Variants in ZNF354C observed in about 807,000 individuals in gnomAD.
ZNF354C encodes the protein KRAB-zinc finger protein synten.
ZNF354C carries 7 observed loss-of-function variants against 12.4 expected under a neutral mutation model. That is an observed-to-expected ratio of 0.56 (90% confidence interval 0.32 to 1.06). ZNF354C has a LOEUF of 1.06. ZNF354C is among the 50% of genes least tolerant of loss of function. The probability of loss-of-function intolerance (pLI) is 0.04; values close to 1 mark genes in which losing one functional copy is unlikely to be tolerated. For missense variants in ZNF354C, 609 were observed against 658.0 expected, an observed-to-expected ratio of 0.93 and a Z score of 0.81; for synonymous variants, 202 against 224.5, an observed-to-expected ratio of 0.90 and a Z score of 0.90.
In ZNF354C at chr5:179,079,485, A is replaced by G. The variant is rs748844623; in HGVS notation, c.1053A>G (p.Thr351=). ...TTCACAGGCATCAAAGAATCCATAC[A>G]GGTGAGAAACCCTATAAATGTAGTG... The part of the protein sequence containing the change: ...AKLHRHQRIH[T]GEKPYKCSEC... The change falls in exon 5 of 5, where the codon ACA becomes ACG. Residue 351 remains threonine, a synonymous_variant. Transcript: ENST00000315475. The surrounding 1 kb of genome is among the most constrained non-coding windows in gnomAD (Gnocchi z 4.2). The G allele has an allele frequency of 5.0e-6, 8 of 1,614,058 alleles. No individual in the cohort carries two copies. The South Asian group carries it at 8.8e-5, about 18-fold the overall frequency.
At chr5:179,073,007 A>G (rs1762071009) in intron 2 of ZNF354C, among the ~76,000 whole-genome samples, 1 of 152,218 alleles carries the variant, frequency 6.6e-6, no homozygotes, top group Non-Finnish European at 1.5e-5. Context: ...TCATAGAGAA[A>G]TCACAAAAAA....
rs545360275 is a variant in ZNF354C at position 179,079,724 on chromosome 5, G to A, written c.1292G>A (p.Arg431Gln). ...FNQYSSFNEHRKIHTGEKLYT... is the reference protein window; with the variant it reads ...FNQYSSFNEHQKIHTGEKLYT... ...CAGTATTCATCCTTTAATGAACATC[G>A]GAAAATTCATACTGGGGAAAAACTT... Residue 431 changes from arginine to glutamine, a missense_variant, in exon 5 of 5, where the codon CGG becomes CAG. Physicochemically the swap from Arg to Gln is conservative, Grantham distance 43. Coordinates refer to ENST00000315475, the MANE Select transcript of ZNF354C (RefSeq NM_014594.3). This position sits in a 1 kb window ranked among gnomAD's most constrained non-coding sequence, Gnocchi z 4.2. 2.9e-5 allele frequency: 47 copies of A among 1,613,894 alleles called. No individual in the cohort carries two copies. Among genetic ancestry groups the A allele is most frequent in the African/African-American group, 5.3e-5 (4 of 74,876 alleles).
Position 179,079,579 on chromosome 5 carries a change from C to T in ZNF354C, c.1147C>T (p.Leu383=). 1 of 1,614,148 alleles carries T rather than the reference C, an allele frequency of 6.2e-7. No individual in the cohort carries two copies. The highest frequency in any genetic ancestry group is 1.7e-5 in the Admixed American group (1 of 60,024). The change falls in exon 5 of 5, where the codon CTG becomes TTG. Residue 383 remains leucine, a synonymous_variant. Transcript: ENST00000315475. This position sits in a 1 kb window ranked among gnomAD's most constrained non-coding sequence, Gnocchi z 4.2. ...EHQRFHTGEQ[L]YTCLECGRTF... ...TCAGAGGTTTCATACTGGAGAACAA[C>T]TGTATACATGCTTGGAATGTGGGAG...
rs755732952 is a variant in ZNF354C, at chr5:179,078,863, G to C, written c.431G>C (p.Arg144Thr). Residue 144 changes from arginine (R) to threonine (T), a missense_variant, in exon 5 of 5, where the codon AGA becomes ACA. Transcript: ENST00000315475. ...GAAGAGCAAGAGAAGAAACCTCTTA[G>C]ACAAATGATAGATTCGCATGAGAAA... ...IEEEQEKKPL[R>T]QMIDSHEKTI... The C allele has an allele frequency of 6.2e-7, 1 of 1,614,096 alleles. No homozygotes were observed. Among genetic ancestry groups the C allele is most frequent in the Non-Finnish European group, 8.5e-7 (1 of 1,179,998 alleles).
rs1333587876 is a variant in ZNF354C at position 179,080,057 on chromosome 5, A to G, written c.1625A>G (p.Tyr542Cys). The change falls in exon 5 of 5, where the codon TAT (tyrosine) becomes TGT (cysteine). Residue 542 changes from tyrosine (Y) to cysteine (C), a missense_variant. By Grantham distance (194) the Tyr-to-Cys change is radical. Transcript: ENST00000315475. ...PFICSSSLTQ[Y>C]QRFFKGDKAY... ...ATCTGCAGCTCCTCACTTACCCAGT[A>G]TCAGAGATTTTTTAAAGGAGATAAA... 1.3e-6 allele frequency: 2 copies of G among 1,599,180 alleles called. No homozygotes were observed. The highest frequency in any genetic ancestry group is 1.7e-6 in the Non-Finnish European group (2 of 1,175,228).
chr5:179,083,694 C>G lies in ZNF354C; in HGVS notation c.*3597C>G, dbSNP rs1200581024. ...GGAATGAGCATGTTCCACTTTATCT[C>G]TCATGCTAAATGTAACTAAGGCATG... is the stretch of plus-strand genomic sequence containing the variant. On this transcript the variant is annotated 3_prime_UTR_variant, in exon 5 of 5. Coordinates refer to ENST00000315475, the MANE Select transcript of ZNF354C (RefSeq NM_014594.3). Among the ~76,000 whole-genome samples, 2 of 152,164 alleles carry G rather than the reference C, an allele frequency of 1.3e-5. No individual in the cohort carries two copies. Among genetic ancestry groups the G allele is most frequent in the Non-Finnish European group, 2.9e-5 (2 of 68,030 alleles).
At chr5:179,070,901 T>C (rs998146164) in intron 2 of ZNF354C, among the ~76,000 whole-genome samples, 1 of 131,294 alleles carries the variant, frequency 7.6e-6, no homozygotes, top group Admixed American at 9.1e-5. Context: ...CAAGCTGGAG[T>C]GTAGTGGTGC....
Position 179,083,205 on chromosome 5 carries a change from T to TAA in ZNF354C, c.*3114_*3115dup. 6 of 304,312 alleles carry TAA rather than the reference T, an allele frequency of 2.0e-5. No individual in the cohort carries two copies. The highest frequency in any genetic ancestry group is 1.3e-4 in the East Asian group (2 of 14,828). The allele number at this position is 304,312 out of a possible 1,614,324, so 18.9% of individuals were successfully genotyped here. On this transcript the variant is annotated 3_prime_UTR_variant, in exon 5 of 5. Transcript: ENST00000315475. Reference sequence around the variant, plus strand: ...TGATCCTTTATTAGCTTCTGATTCATAAAAAAACCTATAAGAGACATTTGG... The same window carrying TAA: ...TGATCCTTTATTAGCTTCTGATTCATAAAAAAAAACCTATAAGAGACATTTGG...
intron 2 of ZNF354C, among the ~76,000 whole-genome samples, chr5:179,065,811 A>G (rs1761952183): frequency 6.6e-6 from 1 of 152,178 alleles, no homozygotes; most frequent in Non-Finnish European, 1.5e-5. Flanking sequence ...GGAAGGTCAC[A>G]GAGATGAAGC....
rs1164175878 is a variant in ZNF354C at position 179,062,018 on chromosome 5, C to T, written c.-51C>T. Reference sequence around the variant, plus strand: ...TTGACACCTTTTTCCTCTGCAGACCCACCGTGTCCACACTCTGCTCTCCCT... The same window carrying T: ...TTGACACCTTTTTCCTCTGCAGACCTACCGTGTCCACACTCTGCTCTCCCT... On this transcript the variant is annotated 5_prime_UTR_variant, in exon 2 of 5. Transcript: ENST00000315475. 2.5e-6 allele frequency: 4 copies of T among 1,609,256 alleles called. No homozygotes were observed. The highest frequency in any genetic ancestry group is 2.2e-5 in the South Asian group (2 of 90,954).
chr5:179,064,967 G>A (rs1761942335), intron 2 of ZNF354C, among the ~76,000 whole-genome samples: 2 of 152,040 alleles, frequency 1.3e-5, no homozygotes, highest in Non-Finnish European at 2.9e-5. Context: ...AAAGGCACAT[G>A]GAATTTGGTA....
chr5:179,076,597 A>T, intron 3 of ZNF354C, 26 bp downstream of exon 3: 1 of 1,613,022 alleles, frequency 6.2e-7, no homozygotes, highest in Non-Finnish European at 8.5e-7. Flanking sequence ...TATGACGAAG[A>T]ATCTGTTATA....
At chr5:179,075,131 C>T (rs539909813) in intron 2 of ZNF354C, among the ~76,000 whole-genome samples, 31 of 151,936 alleles carry the variant, frequency 2.0e-4, no homozygotes, top group Middle Eastern at 3.4e-3. Context: ...TGGTGGTGGG[C>T]GCCTGTAGTC....
chr5:179,061,062 G>A (rs1162669999), intron 1 of ZNF354C, among the ~76,000 whole-genome samples: 1 of 152,218 alleles, frequency 6.6e-6, no homozygotes, highest in Non-Finnish European at 1.5e-5. Context: ...AATACTGCGT[G>A]GAAAACACTC....
chr5:179,078,729 C>G lies in ZNF354C; in HGVS notation c.297C>G (p.Asp99Glu), dbSNP rs898139999. 1 of 1,611,608 alleles carries G rather than the reference C, an allele frequency of 6.2e-7. No homozygotes were observed. Among genetic ancestry groups the G allele is most frequent in the African/African-American group, 1.3e-5 (1 of 74,672 alleles). Residue 99 changes from aspartate to glutamate, a missense_variant, in exon 5 of 5, where the codon GAC (aspartate) becomes GAG (glutamate). Physicochemically the swap from Asp to Glu is conservative, Grantham distance 45. Transcript: ENST00000315475. ...CAGAAGCATTGCCTCATAGACAGGA[C>G]ATTTTTATAGAAGAAACATCTCAGG... ...LETEALPHRQ[D>E]IFIEETSQGM...
chr5:179,076,302 G>A (rs1762120265), intron 2 of ZNF354C, 143 bp from the exon 3 acceptor site: 1 of 1,193,886 alleles, frequency 8.4e-7, no homozygotes, highest in African/African-American at 1.5e-5. Flanking sequence ...AATAGCTAAT[G>A]GGTGGTTCCA....
chr5:179,082,478 A>ATAAATATAAAATATATTTTTATAT lies in ZNF354C; in HGVS notation c.*2382_*2383insAAATATAAAATATATTTTTATATT. On this transcript the variant is annotated 3_prime_UTR_variant, in exon 5 of 5. Transcript: ENST00000315475. ...AGGACAACTGGACTTTTTTTTATAT[A>ATAAATATAAAATATATTTTTATAT]TTTATTTTAAAATGGTTTTCTTAAA... 1.8e-6 allele frequency: 1 copy of ATAAATATAAAATATATTTTTATAT among 549,282 alleles called. No homozygotes were observed. The highest frequency in any genetic ancestry group is 3.2e-5 in the Admixed American group (1 of 31,672). 34.0% of individuals were successfully genotyped at this position (549,282 alleles called of 1,614,324 possible). A position where few individuals can be genotyped will look rare whatever the true frequency, so the allele number is the denominator to read the frequency against.
intron 2 of ZNF354C, among the ~76,000 whole-genome samples, chr5:179,068,140 A>G (rs192118895): frequency 6.6e-6 from 1 of 150,388 alleles, no homozygotes; most frequent in African/African-American, 2.4e-5. Flanking sequence ...ACTCCAGCCT[A>G]GGCAACAGAG....
In ZNF354C at chr5:179,079,221, G is replaced by C; in HGVS notation, c.789G>C (p.Gln263His). ...ACAGATCATCCCTTCTTTCTCATCA[G>C]AGAATTCATACTGGAGAGAAACCTT... is the stretch of plus-strand genomic sequence containing the variant. ...FSHRSSLLSHQRIHTGEKPYK... is the reference protein window; with the variant it reads ...FSHRSSLLSHHRIHTGEKPYK... Residue 263 changes from glutamine (Q) to histidine (H), a missense_variant, in exon 5 of 5, where the codon CAG becomes CAC. By Grantham distance (24) the Gln-to-His change is conservative. Transcript: ENST00000315475. This position sits in a 1 kb window ranked among gnomAD's most constrained non-coding sequence, Gnocchi z 4.2. 6.2e-7 allele frequency: 1 copy of C among 1,614,060 alleles called. No homozygotes were observed.
Sources: allele counts gnomAD v4.1 joint callset (sites outside exome capture counted in the v4.1 genomes callset), GRCh38; gene constraint gnomAD v4.1.1; non-coding constraint Gnocchi (gnomAD v3.1); transcripts MANE v1.5; gene names NCBI Gene and HGNC (gene_info 2026-07-23, HGNC 2026-07-21).